RDH10: variants seen among roughly 807,000 people sequenced by gnomAD.
RDH10 encodes retinol dehydrogenase 10 (all-trans).
Under a neutral mutation model 30.2 loss-of-function variants are expected in RDH10, and 12 were observed. The observed-to-expected ratio is 0.40, with a 90% CI of 0.25 to 0.64. RDH10 has a LOEUF of 0.64. RDH10 is among the 30% of genes least tolerant of loss of function. The pLI, the probability that RDH10 is intolerant of heterozygous loss-of-function variation, is 0.43. For synonymous variants in RDH10, 189 were observed against 172.2 expected, an observed-to-expected ratio of 1.10 and a Z score of -0.76; for missense variants, 268 against 445.2, an observed-to-expected ratio of 0.60 and a Z score of 3.58.
intron 2 of RDH10, among the ~76,000 whole-genome samples, chr8:73,314,711 C>T (rs572139239): frequency 1.0e-3 from 157 of 152,330 alleles, no homozygotes; most frequent in African/African-American, 3.6e-3. Context: ...CTTCACCTCT[C>T]AGTTCCCTCC....
intron 2 of RDH10, among the ~76,000 whole-genome samples, chr8:73,299,623 G>A (rs1814341809): frequency 6.6e-6 from 1 of 152,214 alleles, no homozygotes; most frequent in Non-Finnish European, 1.5e-5. Context: ...CTTTGACTAA[G>A]ATGATGCAAG....
chr8:73,321,662 A>C, intron 4 of RDH10: 2 of 372,114 alleles, frequency 5.4e-6, no homozygotes, highest in East Asian at 7.3e-5. Context: ...TATAAATGTC[A>C]AGTTACATCT....
intron 2 of RDH10, among the ~76,000 whole-genome samples, chr8:73,315,263 T>G (rs531658588): frequency 2.3e-3 from 328 of 142,762 alleles, no homozygotes; most frequent in Non-Finnish European, 3.5e-3. Flanking sequence ...ACCGGCCTCC[T>G]CTCTCTCTCC....
intron 2 of RDH10, among the ~76,000 whole-genome samples, chr8:73,298,342 A>G (rs879487892): frequency 6.6e-6 from 1 of 152,182 alleles, no homozygotes; most frequent in Admixed American, 6.5e-5. Flanking sequence ...ATAGAACACA[A>G]CAAAGAACTG....
intron 2 of RDH10, chr8:73,311,250 C>G (rs1414190285): frequency 6.6e-6 from 1 of 152,168 alleles, no homozygotes; most frequent in Non-Finnish European, 1.5e-5. Flanking sequence ...AAAGGAAGGT[C>G]AAGTAATTGG....
Position 73,294,700 on chromosome 8 carries a change from C to G in RDH10, c.-590C>G. ...AGAGTGCAGGGCCGGGGAACGCGAGCCCTCGGGGGCAGCTGCAAGGCGTTG... is the reference window on the plus strand; with the variant it reads ...AGAGTGCAGGGCCGGGGAACGCGAGGCCTCGGGGGCAGCTGCAAGGCGTTG... On this transcript the variant is annotated 5_prime_UTR_variant, in exon 1 of 6. Transcript: ENST00000240285. The G allele has an allele frequency of 2.7e-6, 1 of 368,670 alleles. No individual in the cohort carries two copies. The highest frequency in any genetic ancestry group is 4.8e-6 in the Non-Finnish European group (1 of 207,172). The allele number at this position is 368,670 out of a possible 1,614,324, so 22.8% of individuals were successfully genotyped here.
At position 73,294,731 on chromosome 8, in the gene RDH10, C is replaced by T. The variant is rs926839687; in HGVS notation, c.-559C>T. 6.8e-5 allele frequency: 25 copies of T among 367,990 alleles called. No homozygotes were observed. Among genetic ancestry groups the T allele is most frequent in the Non-Finnish European group, 1.0e-4 (21 of 206,646 alleles). The allele number at this position is 367,990 out of a possible 1,614,324, so 22.8% of individuals were successfully genotyped here. ...GGGGCAGCTGCAAGGCGTTGGGCAG[C>T]GCTTGCCTGCGCCGAGCGAGTCTCC... On this transcript the variant is annotated 5_prime_UTR_variant, in exon 1 of 6. Coordinates refer to ENST00000240285, the MANE Select transcript of RDH10 (RefSeq NM_172037.5).
chr8:73,297,600 T>C, intron 2 of RDH10, 171 bp downstream of exon 2: 1 of 572,646 alleles, frequency 1.7e-6, no homozygotes, highest in Non-Finnish European at 3.1e-6. Flanking sequence ...TTAGTCGTTT[T>C]GTCCCCGCCC....
intron 1 of RDH10, 87 bp from the exon 2 acceptor site, chr8:73,297,107 C>T: frequency 1.3e-6 from 1 of 780,644 alleles, no homozygotes; most frequent in Non-Finnish European, 2.2e-6. Flanking sequence ...TTTGTGTGAT[C>T]TTTGTCCTAC....
intron 2 of RDH10, among the ~76,000 whole-genome samples, chr8:73,314,685 G>A (rs777537029): frequency 6.6e-6 from 1 of 152,152 alleles, no homozygotes; most frequent in Non-Finnish European, 1.5e-5. Context: ...GCTGATTAGC[G>A]GCCCTGGATA....
At chr8:73,305,643 T>C (rs1476213391) in intron 2 of RDH10, among the ~76,000 whole-genome samples, 1 of 144,028 alleles carries the variant, frequency 6.9e-6, no homozygotes, top group African/African-American at 2.5e-5. Flanking sequence ...CCACTGGACC[T>C]GGGAAAGAAA....
At chr8:73,301,955 G>A (rs533063494) in intron 2 of RDH10, among the ~76,000 whole-genome samples, 1 of 152,310 alleles carries the variant, frequency 6.6e-6, no homozygotes, top group East Asian at 1.9e-4. Context: ...CTAGTGACTT[G>A]ATAAGGCTGG....
intron 2 of RDH10, chr8:73,315,618 C>A (rs1814648333): frequency 2.2e-6 from 1 of 455,268 alleles, no homozygotes; most frequent in African/African-American, 2.0e-5. Flanking sequence ...GCAGGCAAGA[C>A]CAGAGCACGT....
At chr8:73,299,672 A>G (rs1814342630) in intron 2 of RDH10, among the ~76,000 whole-genome samples, 1 of 152,164 alleles carries the variant, frequency 6.6e-6, no homozygotes, top group Non-Finnish European at 1.5e-5. Context: ...AGGTATTCTA[A>G]AGTTTAGCCA....
At chr8:73,320,777 T>C (rs1814757478) in intron 3 of RDH10, among the ~76,000 whole-genome samples, 155 bp from the exon 4 acceptor site, 1 of 152,164 alleles carries the variant, frequency 6.6e-6, no homozygotes, top group Non-Finnish European at 1.5e-5. Flanking sequence ...CAGCCAGGTA[T>C]CTGTCTTTTA....
intron 2 of RDH10, among the ~76,000 whole-genome samples, chr8:73,300,152 A>G (rs1402855117): frequency 1.3e-5 from 2 of 152,230 alleles, no homozygotes; most frequent in African/African-American, 2.4e-5. Flanking sequence ...CTAAGCATCT[A>G]AACTTAAGAA....
chr8:73,319,529 A>G lies in RDH10; in HGVS notation c.624+335A>G, dbSNP rs189303403. ...GATAGAGCAAGACCCTGTCTCTAAA[A>G]CAAAACAAAGAAAGGGAATGGACTT... On this transcript the variant is annotated intron_variant, in intron 3 of 5. Coordinates refer to ENST00000240285, the MANE Select transcript of RDH10 (RefSeq NM_172037.5). Among the ~76,000 whole-genome samples, 69 of 152,320 alleles carry G rather than the reference A, an allele frequency of 4.5e-4. No individual in the cohort carries two copies. In the East Asian group the frequency reaches 6.0e-3, roughly 13 times the overall value.
chr8:73,324,765 T>C lies in RDH10; in HGVS notation c.*1729T>C, dbSNP rs536775224. 6.6e-6 allele frequency: 1 copy of C among 152,338 alleles called. No homozygotes were observed. The highest frequency in any genetic ancestry group is 2.1e-4 in the South Asian group (1 of 4,826). 9.4% of individuals were successfully genotyped at this position (152,338 alleles called of 1,614,324 possible). A position where few individuals can be genotyped will look rare whatever the true frequency, so the allele number is the denominator to read the frequency against. ...ATTAGAGACTTGATTAAGGGCTTGTTTGTACCAAAAGTGGGGAAACAATGC... is the reference window on the plus strand; with the variant it reads ...ATTAGAGACTTGATTAAGGGCTTGTCTGTACCAAAAGTGGGGAAACAATGC... On this transcript the variant is annotated 3_prime_UTR_variant, in exon 6 of 6. Transcript: ENST00000240285.
chr8:73,303,974 A>G (rs1814425129), intron 2 of RDH10, among the ~76,000 whole-genome samples: 1 of 152,208 alleles, frequency 6.6e-6, no homozygotes, highest in African/African-American at 2.4e-5. Context: ...AATAACTGCT[A>G]AATAACCAAT....
Sources: allele counts gnomAD v4.1 joint callset (sites outside exome capture counted in the v4.1 genomes callset), GRCh38; gene constraint gnomAD v4.1.1; transcripts MANE v1.5; gene names NCBI Gene and HGNC (gene_info 2026-07-23, HGNC 2026-07-21).